CROCC2: variants seen among roughly 807,000 people sequenced by gnomAD.
CROCC2 encodes the protein ciliary rootlet coiled-coil, rootletin family member 2.
A neutral mutation model predicts 177.6 loss-of-function variants in CROCC2; 163 were observed. The ratio of observed to expected loss-of-function variants is 0.92; its 90% CI spans 0.81 to 1.05. The LOEUF (loss-of-function observed/expected upper bound fraction) is 1.05. Ranked by LOEUF, CROCC2 falls within the 50% of genes least tolerant of loss-of-function variation. The pLI, the probability that CROCC2 is intolerant of heterozygous loss-of-function variation, is 0.00. For missense variants in CROCC2, 1,929 were observed against 1,797.8 expected (o/e 1.07, Z -1.32); for synonymous variants, 904 against 787.3 (o/e 1.15, Z -2.48).
chr2:240,965,968 G>C lies in CROCC2; in HGVS notation c.3936G>C (p.Pro1312=). ...AGAGACAGAGCCCGTGGGCCTCCCC[G>C]GAGCAGCCTGGTTCCCCCACCAAAG... ...GLQRQSPWAS[P]EQPGSPTKGS... The change falls in exon 24 of 32, where the codon CCG becomes CCC. Residue 1312 remains proline (P), a synonymous_variant. Transcript: ENST00000690015. 1 of 1,380,436 alleles carries C rather than the reference G, an allele frequency of 7.2e-7. No homozygotes were observed. The allele number at this position is 1,380,436 out of a possible 1,614,324, so 85.5% of individuals were successfully genotyped here.
In CROCC2 at chr2:240,955,407, G is replaced by T. The variant is rs545140950; in HGVS notation, c.2830-452G>T. On this transcript the variant is annotated intron_variant, in intron 18 of 31. Transcript: ENST00000690015. Reference sequence around the variant, plus strand: ...GCAGCGTGCCACCCTTGGAGCTGAGGGTGTCTCGCTCACACGCATCTCCCA... The same window carrying T: ...GCAGCGTGCCACCCTTGGAGCTGAGTGTGTCTCGCTCACACGCATCTCCCA... 17 of 157,726 alleles carry T rather than the reference G, an allele frequency of 1.1e-4. 1 individual carries two copies. The East Asian group carries it at 3.1e-3, about 29-fold the overall frequency. 9.8% of individuals were successfully genotyped at this position (157,726 alleles called of 1,614,324 possible).
Position 240,949,540 on chromosome 2 carries a change from G to A in CROCC2, c.2490G>A (p.Met830Ile), listed in dbSNP as rs756509202. 1.9e-6 allele frequency: 3 copies of A among 1,550,306 alleles called. No homozygotes were observed. The part of the protein sequence containing the change: ...GLARQALQVE[M>I]EQLQSDWEVQ... ...TCACCCATCACCCCACAGTGGAAAT[G>A]GAGCAGCTACAAAGTGACTGGGAGG... The change falls in exon 17 of 32, where the codon ATG becomes ATA. Residue 830 changes from methionine (M) to isoleucine (I), a missense_variant. Met to Ile is a conservative substitution (Grantham distance 10). Around this residue, in one of 3 missense-constraint regions of CROCC2, gnomAD observed 1,397 missense variants for 1,239.9 expected, o/e 1.13. Coordinates refer to ENST00000690015, the MANE Select transcript of CROCC2 (RefSeq NM_001351305.2). This position sits in a 1 kb window ranked among gnomAD's most constrained non-coding sequence, Gnocchi z 4.5.
At chr2:240,934,611 C>A in intron 12 of CROCC2, 136 bp downstream of exon 12, 5 of 968,068 alleles carry the variant, frequency 5.2e-6, no homozygotes, top group Non-Finnish European at 6.0e-6. Flanking sequence ...CCAAAGTCAC[C>A]AAAGTTCTCT....
rs2059539961 is a variant in CROCC2 at position 240,949,251 on chromosome 2, GGC to G, written c.2482+155_2482+156del. On this transcript the variant is annotated intron_variant, in intron 16 of 31. Transcript: ENST00000690015. The surrounding 1 kb of genome is among the most constrained non-coding windows in gnomAD (Gnocchi z 4.5). ...GGAGCTCATGCGACTGAGCGACTTG[GGC>G]CACCCTCGCCCATGAGGAGCAGCAA... 1.0e-6 allele frequency: 1 copy of G among 952,630 alleles called. No homozygotes were observed. Among genetic ancestry groups the G allele is most frequent in the Non-Finnish European group, 1.2e-6 (1 of 800,160 alleles). 59.0% of individuals were successfully genotyped at this position (952,630 alleles called of 1,614,324 possible). A position where few individuals can be genotyped will look rare whatever the true frequency, so the allele number is the denominator to read the frequency against.
Position 240,920,168 on chromosome 2 carries a change from A to G in CROCC2, c.381+34A>G, listed in dbSNP as rs529158528. ...GTGCAGCAGACTCAGGGCAGGCGGGAGGTGGCAGCCTGGCCCTTCGTGAGG... is the reference window on the plus strand; with the variant it reads ...GTGCAGCAGACTCAGGGCAGGCGGGGGGTGGCAGCCTGGCCCTTCGTGAGG... On this transcript the variant is annotated intron_variant, in intron 3 of 31. Coordinates refer to ENST00000690015, the MANE Select transcript of CROCC2 (RefSeq NM_001351305.2). 2.8e-4 allele frequency: 172 copies of G among 623,834 alleles called. No individual in the cohort carries two copies. In the African/African-American group the frequency reaches 2.8e-3, roughly 10 times the overall value. The allele number at this position is 623,834 out of a possible 1,614,324, so 38.6% of individuals were successfully genotyped here.
At position 240,959,460 on chromosome 2, in the gene CROCC2, G is replaced by C. The variant is rs1380658788; in HGVS notation, c.3087+16G>C. The C allele has an allele frequency of 6.5e-7, 1 of 1,548,488 alleles. No individual in the cohort carries two copies. Among genetic ancestry groups the C allele is most frequent in the African/African-American group, 1.4e-5 (1 of 72,946 alleles). On this transcript the variant is annotated intron_variant, in intron 20 of 31. Coordinates refer to ENST00000690015, the MANE Select transcript of CROCC2 (RefSeq NM_001351305.2). ...GGAGAGAGAGGTGAGAGGCAGGGCT[G>C]GGGGGCTCCTGGGGATGCCAGAGGA...
chr2:240,980,043 A>G (rs2059787697), intron 27 of CROCC2, among the ~76,000 whole-genome samples: 6 of 56,756 alleles, frequency 1.1e-4, no homozygotes, highest in African/African-American at 3.6e-4. Context: ...GAGCCTCAGG[A>G]TCCCAGGCTC....
chr2:240,991,312 C>T, intron 31 of CROCC2, 34 bp downstream of exon 31: 1 of 1,531,582 alleles, frequency 6.5e-7, no homozygotes, highest in Admixed American at 2.0e-5. Context: ...AGCAGCCTAG[C>T]TGCCTTCAGC....
Position 240,925,862 on chromosome 2 carries a change from G to A in CROCC2, c.627G>A (p.Arg209=), listed in dbSNP as rs1284821483. 2.8e-6 allele frequency: 2 copies of A among 713,966 alleles called. No homozygotes were observed. Among genetic ancestry groups the A allele is most frequent in the African/African-American group, 3.5e-5 (2 of 57,158 alleles). The allele number at this position is 713,966 out of a possible 1,614,324, so 44.2% of individuals were successfully genotyped here. Residue 209 remains arginine, a synonymous_variant, in exon 5 of 32, where the codon AGG becomes AGA. Coordinates refer to ENST00000690015, the MANE Select transcript of CROCC2 (RefSeq NM_001351305.2). ...GCCTGCAGGGCGAGCTGGAGCTGAG[G>A]CGCTGGGCCCAGAGACAGGTGCTCC... The part of the protein sequence containing the change: ...VQRLQGELEL[R]RWAQRQTRSG...
chr2:240,988,882 C>T lies in CROCC2; in HGVS notation c.4683+12C>T, dbSNP rs1447990356. 1 of 1,447,674 alleles carries T rather than the reference C, an allele frequency of 6.9e-7. No individual in the cohort carries two copies. The highest frequency in any genetic ancestry group is 9.2e-7 in the Non-Finnish European group (1 of 1,090,046). The allele number at this position is 1,447,674 out of a possible 1,614,324, so 89.7% of individuals were successfully genotyped here. On this transcript the variant is annotated intron_variant, in intron 29 of 31. Transcript: ENST00000690015. The stretch of plus-strand genomic sequence containing the variant: ...ATCAGCAGCTGCAGGTCAACTGGGC[C>T]AGTGGAGCTCTGCATACCCCAGGCC...
intron 27 of CROCC2, among the ~76,000 whole-genome samples, chr2:240,969,329 G>A (rs556164017): frequency 4.5e-4 from 68 of 152,358 alleles, no homozygotes; most frequent in Middle Eastern, 6.8e-3. Context: ...ACTCAGACTA[G>A]CAGGCAGGCT....
At chr2:240,912,952 C>T (rs371566752) in intron 1 of CROCC2, among the ~76,000 whole-genome samples, 6 of 152,296 alleles carry the variant, frequency 3.9e-5, no homozygotes, top group South Asian at 2.1e-4. Context: ...AGCCAGGCCA[C>T]GGTGCCCGTC....
At chr2:240,989,546 C>T (rs971474066) in intron 29 of CROCC2, 108 bp from the exon 30 acceptor site, 1 of 1,081,042 alleles carries the variant, frequency 9.3e-7, no homozygotes, top group South Asian at 1.7e-5. Flanking sequence ...CGGCAGAGGG[C>T]AGTGGGGCCC....
rs1405624087 is a variant in CROCC2, at chr2:240,965,493, C to T, written c.3578C>T (p.Ala1193Val). 6.5e-7 allele frequency: 1 copy of T among 1,550,142 alleles called. No individual in the cohort carries two copies. The highest frequency in any genetic ancestry group is 2.0e-5 in the Admixed American group (1 of 51,002). ...ELRRQAAKAE[A>V]KHEGARKEVL... is the part of the protein sequence containing the mutation. Reference sequence around the variant, plus strand: ...CGGAGGCAGGCAGCCAAGGCAGAGGCCAAGCACGAGGGTGCCCGGAAGGAG... The same window carrying T: ...CGGAGGCAGGCAGCCAAGGCAGAGGTCAAGCACGAGGGTGCCCGGAAGGAG... The change falls in exon 23 of 32, where the codon GCC becomes GTC. Residue 1193 changes from alanine to valine, a missense_variant. Coordinates refer to ENST00000690015, the MANE Select transcript of CROCC2 (RefSeq NM_001351305.2).
rs1574745207 is a variant in CROCC2 at position 240,917,584 on chromosome 2, C to G, written c.79-1142C>G. ...GGAGGCACAAGGTGGGGGAGCTGCC[C>G]TGCGGACCCCAGGGAGAGGGGTCCT... On this transcript the variant is annotated intron_variant, in intron 1 of 31. Coordinates refer to ENST00000690015, the MANE Select transcript of CROCC2 (RefSeq NM_001351305.2). The surrounding 1 kb of genome is among the most constrained non-coding windows in gnomAD (Gnocchi z 4.9). Among the ~76,000 whole-genome samples, 1 of 152,112 alleles carries G rather than the reference C, an allele frequency of 6.6e-6. No homozygotes were observed. The highest frequency in any genetic ancestry group is 1.9e-4 in the East Asian group (1 of 5,178).
chr2:240,909,352 T>C, intron 1 of CROCC2, among the ~76,000 whole-genome samples: 1 of 151,594 alleles, frequency 6.6e-6, no homozygotes, highest in African/African-American at 2.4e-5. Context: ...TGGGGTGAGC[T>C]CTACCTCCTC....
In CROCC2 at chr2:240,972,136, C is replaced by G. The variant is rs914361147; in HGVS notation, c.4401+3874C>G. Among the ~76,000 whole-genome samples, 2 of 152,080 alleles carry G rather than the reference C, an allele frequency of 1.3e-5. No individual in the cohort carries two copies. Among genetic ancestry groups the G allele is most frequent in the East Asian group, 3.8e-4 (2 of 5,198 alleles). On this transcript the variant is annotated intron_variant, in intron 27 of 31. Coordinates refer to ENST00000690015, the MANE Select transcript of CROCC2 (RefSeq NM_001351305.2). The surrounding 1 kb of genome is among the most constrained non-coding windows in gnomAD (Gnocchi z 7.1). ...CTAGTTTTGTGATTTTTTTCCTTTG[C>G]GTGTCTTTAAAGAAAGGAGTTCTGG...
rs537429236 is a variant in CROCC2, at chr2:240,958,662, C to T, written c.2944-639C>T. The T allele has an allele frequency of 1.6e-4, 146 of 890,360 alleles. 1 individual carries two copies. In the South Asian group the frequency reaches 3.3e-3, roughly 20 times the overall value. The allele number at this position is 890,360 out of a possible 1,614,324, so 55.2% of individuals were successfully genotyped here. ...TGCAGAGCCTGAGCAGGGCAGGGCT[C>T]GGACCCTTCATGTTGAGGACACTGA... On this transcript the variant is annotated intron_variant, in intron 19 of 31. Transcript: ENST00000690015. This position sits in a 1 kb window ranked among gnomAD's most constrained non-coding sequence, Gnocchi z 6.7.
chr2:240,923,064 C>A (rs566802164), intron 4 of CROCC2, among the ~76,000 whole-genome samples: 229 of 152,056 alleles, frequency 1.5e-3, no homozygotes, highest in Non-Finnish European at 2.7e-3. Flanking sequence ...GCTATCAGAC[C>A]CCTCCCCCGC....
Sources: gnomAD v4.1 joint callset for allele counts (sites outside exome capture counted in the v4.1 genomes callset) on GRCh38, gnomAD v4.1.1 for gene constraint, gnomAD v4.1.1 regional missense constraint, Gnocchi (gnomAD v3.1) non-coding constraint, MANE v1.5 for transcripts, NCBI Gene and HGNC (gene_info 2026-07-23, HGNC 2026-07-21) for gene names.